RAD54L2: variants seen among roughly 807,000 people sequenced by gnomAD.
RAD54L2 encodes RAD54 like 2, also known as helicase ARIP4.
In RAD54L2, 27 loss-of-function variants were observed where a neutral mutation model predicts 138.4. The ratio of observed to expected loss-of-function variants is 0.20; its 90% CI spans 0.14 to 0.27. RAD54L2 has a LOEUF of 0.27. RAD54L2 is among the 10% of genes least tolerant of loss of function. The pLI is 1.00. For missense variants in RAD54L2, 1,396 were observed against 1,890.2 expected (o/e 0.74, Z 4.85); for synonymous variants, 644 against 723.2 (o/e 0.89, Z 1.76).
At chr3:51,658,154 G>A (rs948373644) in intron 21 of RAD54L2, among the ~76,000 whole-genome samples, 1 of 151,328 alleles carries the variant, frequency 6.6e-6, no homozygotes, top group African/African-American at 2.4e-5. Context: ...GGATGGTCTC[G>A]ATTTCTTGAC....
intron 2 of RAD54L2, among the ~76,000 whole-genome samples, chr3:51,544,947 G>A (rs1553671948): frequency 6.6e-6 from 1 of 152,154 alleles, no homozygotes; most frequent in East Asian, 1.9e-4. Context: ...GAATTTTGCT[G>A]CCTGGTTGGC....
intron 16 of RAD54L2, among the ~76,000 whole-genome samples, chr3:51,644,592 G>A (rs144849168): frequency 1.3e-5 from 2 of 152,370 alleles, no homozygotes; most frequent in East Asian, 3.9e-4. Flanking sequence ...GACTGTAAAA[G>A]GCTGATGGTA....
chr3:51,663,303 T>C lies in RAD54L2; in HGVS notation c.4287T>C (p.Gly1429=), dbSNP rs1480646752. 1.2e-6 allele frequency: 2 copies of C among 1,613,574 alleles called. No homozygotes were observed. Among genetic ancestry groups the C allele is most frequent in the South Asian group, 1.1e-5 (1 of 91,072 alleles). ...YMSPHAGYPA[G]GLLRSQVPPF... ...CCCCACATGCAGGCTACCCAGCTGGTGGCCTCCTACGGTCCCAGGTGCCTC... is the reference window on the plus strand; with the variant it reads ...CCCCACATGCAGGCTACCCAGCTGGCGGCCTCCTACGGTCCCAGGTGCCTC... The change falls in exon 23 of 23, where the codon GGT becomes GGC. Residue 1429 remains glycine (G), a synonymous_variant. Coordinates refer to ENST00000684192, the MANE Select transcript of RAD54L2 (RefSeq NM_015106.4).
chr3:51,648,600 GAGGA>G (rs1195172088), intron 19 of RAD54L2, among the ~76,000 whole-genome samples: 1 of 152,170 alleles, frequency 6.6e-6, no homozygotes, highest in Non-Finnish European at 1.5e-5. Flanking sequence ...GAAGCTTCCA[GAGGA>G]AGGATCAGGC....
intron 2 of RAD54L2, among the ~76,000 whole-genome samples, chr3:51,586,803 A>T (rs576324961): frequency 3.9e-5 from 6 of 151,998 alleles, no homozygotes; most frequent in Non-Finnish European, 5.9e-5. Context: ...TCCTGACCTC[A>T]GGTGATCTGC....
intron 2 of RAD54L2, among the ~76,000 whole-genome samples, chr3:51,554,468 G>A (rs1023182338): frequency 2.0e-5 from 3 of 152,068 alleles, no homozygotes; most frequent in Admixed American, 6.6e-5. Context: ...AGGTTGCAAC[G>A]AGCCGAGATG....
At chr3:51,657,259 A>G (rs1701626480) in intron 20 of RAD54L2, among the ~76,000 whole-genome samples, 1 of 152,196 alleles carries the variant, frequency 6.6e-6, no homozygotes, top group South Asian at 2.1e-4. Context: ...GGGAAGAGGA[A>G]AAAAATGCAT....
chr3:51,541,648 G>A lies in RAD54L2; in HGVS notation c.-57G>A, dbSNP rs1244476282. ...CCCTTGGAACAGGAGGAGTAAGATT[G>A]AGGTAAGGCTCAGTCTGTTTGAAAG... On this transcript the variant is annotated splice_region_variant and 5_prime_UTR_variant, in exon 2 of 23. Coordinates refer to ENST00000684192, the MANE Select transcript of RAD54L2 (RefSeq NM_015106.4). The A allele has an allele frequency of 1.3e-5, 2 of 152,194 alleles. No individual in the cohort carries two copies. Among genetic ancestry groups the A allele is most frequent in the Non-Finnish European group, 2.9e-5 (2 of 68,036 alleles). The allele number at this position is 152,194 out of a possible 1,614,324, so 9.4% of individuals were successfully genotyped here.
intron 3 of RAD54L2, among the ~76,000 whole-genome samples, chr3:51,607,067 TA>T (rs1416898636): frequency 2.0e-5 from 3 of 147,614 alleles, no homozygotes; most frequent in African/African-American, 7.4e-5. Context: ...TTTCTCTTTT[TA>T]TTTTTTTTTA....
intron 2 of RAD54L2, among the ~76,000 whole-genome samples, chr3:51,557,129 C>A (rs1698989217): frequency 6.7e-6 from 1 of 150,284 alleles, no homozygotes; most frequent in South Asian, 2.1e-4. Flanking sequence ...CAACAATTAT[C>A]AATACTTCTC....
At position 51,645,291 on chromosome 3, in the gene RAD54L2, A is replaced by G; in HGVS notation, c.2656+62A>G. ...TACAGGCTACCATCCTTTTAGTATCAAGGGTGGGAGAGGAGCAGGATATGG... is the reference window on the plus strand; with the variant it reads ...TACAGGCTACCATCCTTTTAGTATCGAGGGTGGGAGAGGAGCAGGATATGG... On this transcript the variant is annotated intron_variant, in intron 17 of 22. Coordinates refer to ENST00000684192, the MANE Select transcript of RAD54L2 (RefSeq NM_015106.4). This position sits in a 1 kb window ranked among gnomAD's most constrained non-coding sequence, Gnocchi z 6.1. 6.8e-7 allele frequency: 1 copy of G among 1,478,550 alleles called. No homozygotes were observed. The highest frequency in any genetic ancestry group is 9.3e-7 in the Non-Finnish European group (1 of 1,077,260). The allele number at this position is 1,478,550 out of a possible 1,614,324, so 91.6% of individuals were successfully genotyped here.
At chr3:51,659,702 A>C (rs898322848) in intron 21 of RAD54L2, among the ~76,000 whole-genome samples, 3 of 152,022 alleles carry the variant, frequency 2.0e-5, no homozygotes, top group Non-Finnish European at 4.4e-5. Context: ...ATTGCATTGA[A>C]CCCTTCCTGA....
chr3:51,658,622 G>A (rs1701670422), intron 21 of RAD54L2, among the ~76,000 whole-genome samples: 1 of 152,122 alleles, frequency 6.6e-6, no homozygotes, highest in Non-Finnish European at 1.5e-5. Flanking sequence ...ATGATTGTGT[G>A]AGGCTCTTTG....
At chr3:51,541,001 A>G (rs916062703) in intron 1 of RAD54L2, 7 of 140,106 alleles carry the variant, frequency 5.0e-5, no homozygotes, top group African/African-American at 1.6e-4. Flanking sequence ...AGATCGTGCC[A>G]CTGCACTCCA....
chr3:51,539,296 C>T (rs1185368359), intron 1 of RAD54L2, among the ~76,000 whole-genome samples: 1 of 152,154 alleles, frequency 6.6e-6, no homozygotes, highest in Non-Finnish European at 1.5e-5. Context: ...TTAGGGGCTT[C>T]TGTGTGTCTA....
chr3:51,630,265 T>C lies in RAD54L2; in HGVS notation c.482-7T>C. ...GACACCGTTCCCTTCCATTTTGCTT[T>C]TCCTAGAGGAAATTGCTTTAAGGGC... On this transcript the variant is annotated splice_region_variant and splice_polypyrimidine_tract_variant and intron_variant, in intron 5 of 22. Transcript: ENST00000684192. The C allele has an allele frequency of 6.2e-7, 1 of 1,613,310 alleles. No individual in the cohort carries two copies. Among genetic ancestry groups the C allele is most frequent in the Non-Finnish European group, 8.5e-7 (1 of 1,179,208 alleles).
intron 3 of RAD54L2, among the ~76,000 whole-genome samples, chr3:51,612,052 A>G (rs1700344685): frequency 6.6e-6 from 1 of 152,226 alleles, no homozygotes; most frequent in Admixed American, 6.5e-5. Context: ...GTGATTCAGC[A>G]TTTATGTTTG....
chr3:51,579,691 G>A (rs960469509), intron 2 of RAD54L2, among the ~76,000 whole-genome samples: 3 of 152,042 alleles, frequency 2.0e-5, no homozygotes, highest in African/African-American at 7.2e-5. Flanking sequence ...TAGTTTAAAG[G>A]TACAGTTTAG....
intron 3 of RAD54L2, among the ~76,000 whole-genome samples, chr3:51,604,284 T>C (rs927819169): frequency 3.9e-5 from 6 of 152,178 alleles, no homozygotes; most frequent in Non-Finnish European, 7.3e-5. Flanking sequence ...TTGTAATCCA[T>C]CTGGAATTGA....
Sources: allele counts gnomAD v4.1 joint callset (sites outside exome capture counted in the v4.1 genomes callset), GRCh38; gene constraint gnomAD v4.1.1; non-coding constraint Gnocchi (gnomAD v3.1); transcripts MANE v1.5; gene names NCBI Gene and HGNC (gene_info 2026-07-23, HGNC 2026-07-21).